CPNE3: variants seen among roughly 807,000 people sequenced by gnomAD.
CPNE3 encodes the protein copine 3, also known as copine-3.
In CPNE3, 68 loss-of-function variants were observed where a neutral mutation model predicts 63.9. That is an observed-to-expected ratio of 1.06 (90% CI 0.87 to 1.30). CPNE3 has a LOEUF of 1.30. CPNE3 is among the 50% of genes most tolerant of loss of function. The pLI is 0.00. For synonymous variants in CPNE3, 219 were observed against 197.5 expected (o/e 1.11, Z -0.91); for missense variants, 665 against 578.1 (o/e 1.15, Z -1.54).
chr8:86,514,832 C>T (rs1328574116), intron 1 of CPNE3: 1 of 152,302 alleles, frequency 6.6e-6, no homozygotes, highest in African/African-American at 2.4e-5. Flanking sequence ...CAAGGCCCCG[C>T]CTGGGCCTGG....
chr8:86,523,249 C>A (rs1001017258), intron 2 of CPNE3, among the ~76,000 whole-genome samples: 1 of 151,980 alleles, frequency 6.6e-6, no homozygotes, highest in Non-Finnish European at 1.5e-5. Flanking sequence ...TTTTAATATC[C>A]CCATTTTATA....
In CPNE3 at chr8:86,551,082, G is replaced by T. The variant is rs1286495019; in HGVS notation, c.1050G>T (p.Gln350His). The change falls in exon 13 of 17, where the codon CAG (glutamine) becomes CAT (histidine). Residue 350 changes from glutamine to histidine, a missense_variant. Physicochemically the swap from Gln to His is conservative, Grantham distance 24. Transcript: ENST00000517490. ...KMFPAFGFGAQIPPQWQVSHE... is the reference protein window; with the variant it reads ...KMFPAFGFGAHIPPQWQVSHE... ...TTCCAGCTTTTGGTTTTGGCGCTCA[G>T]ATACCTCCTCAGTGGCAGGTAAGAG... 2 of 1,611,840 alleles carry T rather than the reference G, an allele frequency of 1.2e-6. No homozygotes were observed. Among genetic ancestry groups the T allele is most frequent in the Non-Finnish European group, 1.7e-6 (2 of 1,178,952 alleles).
chr8:86,519,945 C>T (rs1008372668), intron 2 of CPNE3, among the ~76,000 whole-genome samples: 1 of 152,170 alleles, frequency 6.6e-6, no homozygotes, highest in Non-Finnish European at 1.5e-5. Flanking sequence ...CTACTGACCT[C>T]AGACCATCCG....
In CPNE3 at chr8:86,524,848, TTTTC is replaced by T. The variant is rs112667695; in HGVS notation, c.-10-3668_-10-3665del. The T allele has an allele frequency of 9.6e-4, 129 of 133,700 alleles. 1 individual carries two copies. The highest frequency in any genetic ancestry group is 1.6e-3 in the Non-Finnish European group (93 of 59,892). 8.3% of individuals were successfully genotyped at this position (133,700 alleles called of 1,614,324 possible). On this transcript the variant is annotated intron_variant, in intron 2 of 16. Coordinates refer to ENST00000517490, the MANE Select transcript of CPNE3 (RefSeq NM_003909.5). The stretch of plus-strand genomic sequence containing the variant: ...CACCTTGGCTGGCTAATTTTTTCAT[TTTTC>T]TTTCTTTCTTTCTTTCTTTTTTAGA...
chr8:86,548,792 G>A (rs1821109992), intron 12 of CPNE3, among the ~76,000 whole-genome samples: 1 of 151,980 alleles, frequency 6.6e-6, no homozygotes. Context: ...CAGATGACAT[G>A]TTTTATAAAT....
At chr8:86,537,179 A>G (rs1194925603) in intron 6 of CPNE3, among the ~76,000 whole-genome samples, 2 of 152,204 alleles carry the variant, frequency 1.3e-5, no homozygotes, top group African/African-American at 2.4e-5. Context: ...CCCTGTCTCC[A>G]TAGAGTTGGT....
chr8:86,515,145 C>G (rs1820255495), intron 1 of CPNE3: 1 of 152,262 alleles, frequency 6.6e-6, no homozygotes, highest in Non-Finnish European at 1.5e-5. Flanking sequence ...CCTCCAGCTT[C>G]AAGATTCTTC....
chr8:86,518,512 G>T (rs1355514810), intron 2 of CPNE3, among the ~76,000 whole-genome samples: 2 of 152,104 alleles, frequency 1.3e-5, no homozygotes, highest in Admixed American at 1.3e-4. Flanking sequence ...TTCATTGAGG[G>T]TAAACGGTGA....
At chr8:86,547,548 G>T in intron 10 of CPNE3, 163 bp from the exon 11 acceptor site, 1 of 553,902 alleles carries the variant, frequency 1.8e-6, no homozygotes, top group Non-Finnish European at 3.2e-6. Flanking sequence ...CAGATTCATG[G>T]CACATAGGGG....
At chr8:86,556,779 C>T (rs1257384072) in intron 16 of CPNE3, among the ~76,000 whole-genome samples, 1 of 152,106 alleles carries the variant, frequency 6.6e-6, no homozygotes, top group Admixed American at 6.5e-5. Flanking sequence ...ATAAGGATCC[C>T]CCTGGTTGCC....
chr8:86,527,971 T>A (rs922252191), intron 2 of CPNE3, among the ~76,000 whole-genome samples: 12 of 141,964 alleles, frequency 8.5e-5, no homozygotes, highest in African/African-American at 3.0e-4. Context: ...TTTTTTTTTT[T>A]AGACAGAGTC....
intron 14 of CPNE3, among the ~76,000 whole-genome samples, chr8:86,554,419 A>C (rs937075587): frequency 1.3e-5 from 2 of 152,234 alleles, no homozygotes; most frequent in Admixed American, 1.3e-4. Context: ...GTTTATCGCC[A>C]TCTGGTATTT....
At chr8:86,536,414 C>T (rs945592962) in intron 6 of CPNE3, among the ~76,000 whole-genome samples, 5 of 151,238 alleles carry the variant, frequency 3.3e-5, no homozygotes, top group Admixed American at 6.6e-5. Context: ...AACCTTCAAA[C>T]AAGTATTGGT....
At chr8:86,524,396 G>A (rs1000045927) in intron 2 of CPNE3, among the ~76,000 whole-genome samples, 46 of 152,094 alleles carry the variant, frequency 3.0e-4, no homozygotes, top group African/African-American at 1.1e-3. Context: ...GAACGTTAGG[G>A]TGACTGGGAG....
At chr8:86,553,749 GTTTT>G (rs35185836) in intron 14 of CPNE3, among the ~76,000 whole-genome samples, 1 of 137,720 alleles carries the variant, frequency 7.3e-6, no homozygotes. Flanking sequence ...TTTACATTAA[GTTTT>G]TTTTTTTTTT....
At position 86,560,451 on chromosome 8, in the gene CPNE3, G is replaced by A. The variant is rs1460654211; in HGVS notation, c.*2041G>A. 2 of 152,154 alleles carry A rather than the reference G, an allele frequency of 1.3e-5. No homozygotes were observed. The highest frequency in any genetic ancestry group is 1.3e-4 in the Admixed American group (2 of 15,272). The allele number at this position is 152,154 out of a possible 1,614,324, so 9.4% of individuals were successfully genotyped here. On this transcript the variant is annotated 3_prime_UTR_variant, in exon 17 of 17. Coordinates refer to ENST00000517490, the MANE Select transcript of CPNE3 (RefSeq NM_003909.5). ...TAACCAGCTCCACAGCAGCCCCTGAGTCACCTGCACAAGGTGCTTGGGAAC... is the reference window on the plus strand; with the variant it reads ...TAACCAGCTCCACAGCAGCCCCTGAATCACCTGCACAAGGTGCTTGGGAAC...
chr8:86,538,267 C>T (rs1337847571), intron 7 of CPNE3, among the ~76,000 whole-genome samples: 1 of 152,074 alleles, frequency 6.6e-6, no homozygotes, highest in Non-Finnish European at 1.5e-5. Flanking sequence ...CCCAGCTACT[C>T]AGGAAACTGA....
chr8:86,534,823 C>A (rs62510845), intron 6 of CPNE3, among the ~76,000 whole-genome samples: 47,321 of 152,000 alleles, frequency 0.31, 8,895 homozygotes, highest in Middle Eastern at 0.45. Context: ...TTGACTTTTC[C>A]CCCATATTTA....
intron 8 of CPNE3, among the ~76,000 whole-genome samples, chr8:86,544,056 A>G (rs759290318): frequency 2.0e-5 from 3 of 152,072 alleles, no homozygotes; most frequent in Non-Finnish European, 4.4e-5. Flanking sequence ...ATTTAATCAG[A>G]GCCAGATCTA....
Sources: allele counts gnomAD v4.1 joint callset (sites outside exome capture counted in the v4.1 genomes callset), GRCh38; gene constraint gnomAD v4.1.1; transcripts MANE v1.5; gene names NCBI Gene and HGNC (gene_info 2026-07-23, HGNC 2026-07-21).